CARNMT1: variants seen among roughly 807,000 people sequenced by gnomAD.
CARNMT1 encodes protein-L-histidine N-pros-methyltransferase CARNMT1.
CARNMT1 carries 28 observed loss-of-function variants against 49.6 expected under a neutral mutation model. The ratio of observed to expected loss-of-function variants is 0.56; its 90% CI spans 0.42 to 0.77. The LOEUF (loss-of-function observed/expected upper bound fraction) is 0.77. Among genes scored for constraint, CARNMT1 ranks in the 30% least tolerant of loss-of-function variants. The pLI, the probability that CARNMT1 is intolerant of heterozygous loss-of-function variation, is 0.00. For synonymous variants in CARNMT1, 178 were observed against 175.0 expected, an observed-to-expected ratio of 1.02 and a Z score of -0.13; for missense variants, 421 against 512.6, an observed-to-expected ratio of 0.82 and a Z score of 1.73.
chr9:75,018,014 C>G (rs1182787713), intron 1 of CARNMT1, among the ~76,000 whole-genome samples: 1 of 152,074 alleles, frequency 6.6e-6, no homozygotes, highest in South Asian at 2.1e-4. Flanking sequence ...TTGGGGACTA[C>G]TTATTCATAA....
At chr9:75,002,809 C>A (rs1833401406) in intron 3 of CARNMT1, among the ~76,000 whole-genome samples, 1 of 151,988 alleles carries the variant, frequency 6.6e-6, no homozygotes, top group African/African-American at 2.4e-5. Flanking sequence ...AGTGCCATCT[C>A]AGGTCACTGC....
intron 3 of CARNMT1, among the ~76,000 whole-genome samples, chr9:75,007,546 TG>T (rs1833546625): frequency 6.6e-6 from 1 of 151,830 alleles, no homozygotes; most frequent in Non-Finnish European, 1.5e-5. Context: ...CTGACCAACA[TG>T]GTGAAACCCC....
intron 6 of CARNMT1, 41 bp from the exon 7 acceptor site, chr9:74,985,051 T>C (rs1239317979): frequency 1.2e-5 from 16 of 1,370,436 alleles, no homozygotes; most frequent in Non-Finnish European, 1.7e-5. Flanking sequence ...AATATAAACA[T>C]ACACTCATAG....
intron 3 of CARNMT1, among the ~76,000 whole-genome samples, chr9:75,015,367 GTATT>G (rs1833814472): frequency 6.6e-6 from 1 of 151,894 alleles, no homozygotes; most frequent in Admixed American, 6.6e-5. Flanking sequence ...CAGCTAAATT[GTATT>G]TAAAGTGATA....
chr9:74,985,155 G>C, intron 6 of CARNMT1, 145 bp from the exon 7 acceptor site: 1 of 623,388 alleles, frequency 1.6e-6, no homozygotes, highest in Admixed American at 3.0e-5. Context: ...CCAGACCTCT[G>C]AAAATTTGGC....
In CARNMT1 at chr9:74,998,575, T is replaced by C. The variant is rs922192568; in HGVS notation, c.910+23A>G. 8.6e-6 allele frequency: 13 copies of C among 1,510,540 alleles called. No homozygotes were observed. The Admixed American group carries it at 1.2e-4, about 13-fold the overall frequency. The allele number at this position is 1,510,540 out of a possible 1,614,324, so 93.6% of individuals were successfully genotyped here. On this transcript the variant is annotated intron_variant, in intron 5 of 7. Transcript: ENST00000376834. ...AATTTAGAATAAAGGACAAGACTTT[T>C]TAAACGCTTGATTTGGACTTACTGC...
chr9:75,023,969 G>A (rs891321518), intron 1 of CARNMT1, among the ~76,000 whole-genome samples: 1 of 152,216 alleles, frequency 6.6e-6, no homozygotes, highest in Non-Finnish European at 1.5e-5. Flanking sequence ...TCCTCTTGCT[G>A]ATAAGAGGAG....
intron 2 of CARNMT1, chr9:75,016,634 T>G: frequency 1.9e-6 from 1 of 529,278 alleles, no homozygotes; most frequent in Non-Finnish European, 3.3e-6. Flanking sequence ...AAGATTAAGG[T>G]CCATTAATCA....
chr9:75,024,814 C>T (rs916721061), intron 1 of CARNMT1, among the ~76,000 whole-genome samples: 5 of 152,148 alleles, frequency 3.3e-5, no homozygotes, highest in Non-Finnish European at 7.3e-5. Flanking sequence ...GCACCAACCC[C>T]CTGTGCAGTC....
At chr9:74,984,345 T>A (rs1474644877) in intron 7 of CARNMT1, among the ~76,000 whole-genome samples, 1 of 152,122 alleles carries the variant, frequency 6.6e-6, no homozygotes, top group Non-Finnish European at 1.5e-5. Context: ...TCAGTGAGAG[T>A]CTGTAAGATC....
rs1297272794 is a variant in CARNMT1 at position 75,028,272 on chromosome 9, G to C, written c.-31C>G. 1 of 1,351,940 alleles carries C rather than the reference G, an allele frequency of 7.4e-7. No homozygotes were observed. The highest frequency in any genetic ancestry group is 9.5e-7 in the Non-Finnish European group (1 of 1,056,914). The allele number at this position is 1,351,940 out of a possible 1,614,324, so 83.7% of individuals were successfully genotyped here. ...CCGCGGCCCTCGGCCTGGCTCGCTT[G>C]CGTCTCTCCGCGACCGACAGCGTGG... On this transcript the variant is annotated 5_prime_UTR_variant, in exon 1 of 8. Transcript: ENST00000376834.
At chr9:75,016,483 T>C (rs372689805) in intron 2 of CARNMT1, 52 bp from the exon 3 acceptor site, 1 of 1,574,548 alleles carries the variant, frequency 6.4e-7, no homozygotes, top group East Asian at 2.2e-5. Context: ...TCCACTTATA[T>C]TATGGTTAAA....
intron 3 of CARNMT1, among the ~76,000 whole-genome samples, chr9:75,007,725 T>A (rs1244265921): frequency 8.6e-6 from 1 of 116,570 alleles, no homozygotes. Context: ...CGAGACCCTG[T>A]CTCAAAAAAA....
intron 3 of CARNMT1, among the ~76,000 whole-genome samples, chr9:75,003,592 C>G (rs1156695408): frequency 6.6e-6 from 1 of 152,242 alleles, no homozygotes; most frequent in Non-Finnish European, 1.5e-5. Context: ...CCTGAATCTC[C>G]TTCACAGCAG....
intron 6 of CARNMT1, among the ~76,000 whole-genome samples, chr9:74,990,665 C>T (rs1446077534): frequency 1.3e-5 from 2 of 152,182 alleles, no homozygotes; most frequent in Non-Finnish European, 2.9e-5. Context: ...AACCATTCCC[C>T]ATTAAAAGGA....
At chr9:75,011,574 C>T (rs1046299225) in intron 3 of CARNMT1, among the ~76,000 whole-genome samples, 6 of 152,148 alleles carry the variant, frequency 3.9e-5, no homozygotes, top group African/African-American at 1.4e-4. Flanking sequence ...CACTACATTG[C>T]CCAAGTTGGT....
At chr9:75,001,893 C>A (rs1313164654) in intron 3 of CARNMT1, among the ~76,000 whole-genome samples, 3 of 152,056 alleles carry the variant, frequency 2.0e-5, no homozygotes, top group African/African-American at 7.2e-5. Context: ...GGTGAGACAA[C>A]CTTAAACCAG....
upstream of CARNMT1, chr9:75,028,400 G>A: frequency 2.3e-6 from 3 of 1,292,462 alleles, no homozygotes; most frequent in Non-Finnish European, 2.9e-6. Context: ...TCCGCGCTGG[G>A]CTCCGCCAGG....
chr9:75,015,621 A>G (rs1354684308), intron 3 of CARNMT1: 1 of 151,804 alleles, frequency 6.6e-6, no homozygotes, highest in Non-Finnish European at 1.5e-5. Context: ...CCATGTCTCT[A>G]CCAAAAACAC....
Sources: gnomAD v4.1 joint callset for allele counts (sites outside exome capture counted in the v4.1 genomes callset) on GRCh38, gnomAD v4.1.1 for gene constraint, MANE v1.5 for transcripts, NCBI Gene and HGNC (gene_info 2026-07-23, HGNC 2026-07-21) for gene names.